Variants in FAM114A1 observed in about 807,000 individuals in gnomAD.
FAM114A1 encodes family with sequence similarity 114 member A1, also known as protein NOXP20.
A neutral mutation model predicts 64.3 loss-of-function variants in FAM114A1; 62 were observed. The ratio of observed to expected loss-of-function variants is 0.96; its 90% CI spans 0.79 to 1.19. The LOEUF is 1.19. Among genes scored for constraint, FAM114A1 ranks in the 50% most tolerant of loss-of-function variants. The probability of loss-of-function intolerance (pLI) is 0.00; values close to 1 mark genes in which losing one functional copy is unlikely to be tolerated. For synonymous variants in FAM114A1, 254 were observed against 251.1 expected (o/e 1.01, Z -0.11); for missense variants, 645 against 676.3 (o/e 0.95, Z 0.51).
At chr4:38,915,484 G>A (rs778532172) in intron 8 of FAM114A1, among the ~76,000 whole-genome samples, 1 of 152,108 alleles carries the variant, frequency 6.6e-6, no homozygotes, top group Non-Finnish European at 1.5e-5. Context: ...AGACTTCAGG[G>A]TTTTAATATA....
intron 9 of FAM114A1, among the ~76,000 whole-genome samples, chr4:38,924,493 A>C (rs2109760167): frequency 6.6e-6 from 1 of 152,336 alleles, no homozygotes; most frequent in South Asian, 2.1e-4. Context: ...GTTCAGGGCG[A>C]AATTATTCTA....
At chr4:38,922,922 CA>C in intron 9 of FAM114A1, 29 bp downstream of exon 9, 14 of 1,593,600 alleles carry the variant, frequency 8.8e-6, no homozygotes, top group African/African-American at 2.7e-5. Context: ...AATAGCAAGA[CA>C]AACTGTTGGC....
intron 6 of FAM114A1, among the ~76,000 whole-genome samples, chr4:38,906,491 A>G (rs1192017549): frequency 6.6e-6 from 1 of 152,174 alleles, no homozygotes; most frequent in Admixed American, 6.5e-5. Flanking sequence ...GAGATAAGGC[A>G]GGTAGCTGGT....
chr4:38,915,431 T>C (rs1275164035), intron 8 of FAM114A1, among the ~76,000 whole-genome samples: 1 of 152,186 alleles, frequency 6.6e-6, no homozygotes, highest in East Asian at 1.9e-4. Flanking sequence ...AGCCCACATC[T>C]TCATTCCTAC....
chr4:38,917,149 C>CAAATAAAT (rs55953630), intron 8 of FAM114A1, among the ~76,000 whole-genome samples: 11,881 of 143,028 alleles, frequency 0.083, 729 homozygotes, highest in African/African-American at 0.17. Context: ...ACTAAAAATA[C>CAAATAAAT]AAATAAATAA....
chr4:38,912,860 G>C (rs1164530170), intron 7 of FAM114A1, among the ~76,000 whole-genome samples: 1 of 152,196 alleles, frequency 6.6e-6, no homozygotes, highest in Non-Finnish European at 1.5e-5. Flanking sequence ...CAAGTCCTGA[G>C]ATCAGTGCGG....
At chr4:38,885,117 G>A (rs947049789) in intron 3 of FAM114A1, among the ~76,000 whole-genome samples, 5 of 151,848 alleles carry the variant, frequency 3.3e-5, no homozygotes, top group Non-Finnish European at 7.4e-5. Context: ...TGGGACTACC[G>A]GCATCTGCCA....
At chr4:38,887,843 TCA>T (rs1177705144) in intron 3 of FAM114A1, among the ~76,000 whole-genome samples, 2 of 152,196 alleles carry the variant, frequency 1.3e-5, no homozygotes, top group Admixed American at 6.5e-5. Context: ...AGAGCAATTT[TCA>T]TCCTCCCAGC....
chr4:38,874,893 G>A (rs1291481508), intron 2 of FAM114A1, among the ~76,000 whole-genome samples: 1 of 152,178 alleles, frequency 6.6e-6, no homozygotes, highest in Non-Finnish European at 1.5e-5. Flanking sequence ...TCTGCATATG[G>A]CTGGCCAGTT....
intron 7 of FAM114A1, 118 bp downstream of exon 7, chr4:38,908,844 G>A: frequency 9.3e-7 from 1 of 1,080,304 alleles, no homozygotes; most frequent in Non-Finnish European, 1.3e-6. Context: ...ACACCAAAGA[G>A]CAGAGAGAGA....
rs140616537 is a variant in FAM114A1 at position 38,935,600 on chromosome 4, C to T, written c.1464-118C>T. 2.0e-3 allele frequency: 1,321 copies of T among 651,318 alleles called. 17 individuals are homozygous for T. In the African/African-American group the frequency reaches 0.022, roughly 11 times the overall value. The allele number at this position is 651,318 out of a possible 1,614,324, so 40.3% of individuals were successfully genotyped here. A position where few individuals can be genotyped will look rare whatever the true frequency, so the allele number is the denominator to read the frequency against. On this transcript the variant is annotated intron_variant, in intron 12 of 14. Coordinates refer to ENST00000358869, the MANE Select transcript of FAM114A1 (RefSeq NM_138389.4). ...ACTGCACATTTCTGTAGAGCATCTT[C>T]AAGCATGTGTGGCATTCTTTTAAAT...
At chr4:38,927,798 C>T (rs569668950) in intron 9 of FAM114A1, among the ~76,000 whole-genome samples, 1 of 152,320 alleles carries the variant, frequency 6.6e-6, no homozygotes, top group African/African-American at 2.4e-5. Context: ...ATTCTCCTGC[C>T]TCAGCCTCCC....
chr4:38,922,981 T>G, intron 9 of FAM114A1, 88 bp downstream of exon 9: 15 of 1,366,682 alleles, frequency 1.1e-5, no homozygotes, highest in Non-Finnish European at 1.5e-5. Context: ...TTTGAATTAC[T>G]TAATTCAAGT....
chr4:38,871,017 T>C (rs1015536993), intron 2 of FAM114A1, among the ~76,000 whole-genome samples: 1 of 151,886 alleles, frequency 6.6e-6, no homozygotes, highest in African/African-American at 2.4e-5. Context: ...GAGATAAATA[T>C]GGATTAGAGA....
At chr4:38,926,549 G>A (rs935061018) in intron 9 of FAM114A1, among the ~76,000 whole-genome samples, 1 of 151,354 alleles carries the variant, frequency 6.6e-6, no homozygotes, top group Non-Finnish European at 1.5e-5. Context: ...CCGCCCTCCC[G>A]GGTTCAAGTG....
intron 12 of FAM114A1, 23 bp from the exon 13 acceptor site, chr4:38,935,695 C>CTTTTT (rs377231719): frequency 4.2e-6 from 5 of 1,185,020 alleles, no homozygotes; most frequent in African/African-American, 1.6e-5. Context: ...AACATCCAAG[C>CTTTTT]TTTTTTTTTT....
At chr4:38,925,621 A>G (rs1560325120) in intron 9 of FAM114A1, among the ~76,000 whole-genome samples, 1 of 152,214 alleles carries the variant, frequency 6.6e-6, no homozygotes, top group African/African-American at 2.4e-5. Flanking sequence ...TCTCCTCTGC[A>G]TTTAATAATG....
intron 14 of FAM114A1, 31 bp from the exon 15 acceptor site, chr4:38,943,425 A>G: frequency 6.3e-7 from 1 of 1,583,172 alleles, no homozygotes. Context: ...TATGAAAATA[A>G]CCCTTCAACC....
intron 2 of FAM114A1, among the ~76,000 whole-genome samples, chr4:38,871,090 T>C (rs533203523): frequency 5.8e-5 from 8 of 137,384 alleles, no homozygotes; most frequent in Middle Eastern, 3.6e-3. Context: ...TTCTTTCTTT[T>C]TTTTTTTTTT....
Sources: allele counts gnomAD v4.1 joint callset (sites outside exome capture counted in the v4.1 genomes callset), GRCh38; gene constraint gnomAD v4.1.1; transcripts MANE v1.5; gene names NCBI Gene and HGNC (gene_info 2026-07-23, HGNC 2026-07-21).